The following TPRG1 variants were observed in gnomAD, a reference collection of about 807,000 sequenced individuals.
The protein encoded by TPRG1 is tumor protein p63 regulated 1.
In TPRG1, 29 loss-of-function variants were observed where a neutral mutation model predicts 29.3. The ratio of observed to expected loss-of-function variants is 0.99; its 90% CI spans 0.74 to 1.35. TPRG1 has a LOEUF of 1.35. TPRG1 is among the 40% of genes most tolerant of loss of function. The pLI, the probability that TPRG1 is intolerant of heterozygous loss-of-function variation, is 0.00. For synonymous variants in TPRG1, 130 were observed against 116.8 expected, an observed-to-expected ratio of 1.11 and a Z score of -0.73; for missense variants, 327 against 335.0, an observed-to-expected ratio of 0.98 and a Z score of 0.19.
chr3:189,324,814 A>T lies in TPRG1; in HGVS notation c.*3994A>T, dbSNP rs1030447762. 2 of 152,218 alleles carry T rather than the reference A, an allele frequency of 1.3e-5. No individual in the cohort carries two copies. The highest frequency in any genetic ancestry group is 2.9e-5 in the Non-Finnish European group (2 of 68,054). The allele number at this position is 152,218 out of a possible 1,614,324, so 9.4% of individuals were successfully genotyped here. On this transcript the variant is annotated 3_prime_UTR_variant, in exon 6 of 6. Transcript: ENST00000345063. ...TCAAAGGTTAACAACAACATAAAAAAGCCAAGGTATTTGCACAGGGATGAA... is the reference window on the plus strand; with the variant it reads ...TCAAAGGTTAACAACAACATAAAAATGCCAAGGTATTTGCACAGGGATGAA...
intron 5 of TPRG1, among the ~76,000 whole-genome samples, chr3:189,166,626 G>A (rs1728199851): frequency 6.6e-6 from 1 of 152,126 alleles, no homozygotes; most frequent in South Asian, 2.1e-4. Context: ...ACTTTCCTTG[G>A]TGTCTCAGCG....
chr3:189,068,722 G>A (rs1716622043), intron 4 of TPRG1, among the ~76,000 whole-genome samples: 1 of 152,164 alleles, frequency 6.6e-6, no homozygotes, highest in Non-Finnish European at 1.5e-5. Flanking sequence ...GTTGCGGTGA[G>A]CCGAGATTGT....
intron 1 of TPRG1, among the ~76,000 whole-genome samples, chr3:189,122,536 C>T (rs1390077144): frequency 6.6e-6 from 1 of 152,196 alleles, no homozygotes; most frequent in African/African-American, 2.4e-5. Context: ...TTTTGCGTAG[C>T]ATGGGTATTA....
chr3:189,291,528 T>C (rs1214091518), intron 4 of TPRG1, among the ~76,000 whole-genome samples: 1 of 152,180 alleles, frequency 6.6e-6, no homozygotes, highest in Non-Finnish European at 1.5e-5. Context: ...TCATCACTGT[T>C]ACTATTTATG....
chr3:189,063,063 T>C lies in TPRG1; in HGVS notation c.-463+39117T>C, dbSNP rs1052766036. Among the ~76,000 whole-genome samples the C allele has an allele frequency of 6.6e-5, 10 of 151,992 alleles. 1 individual carries two copies. Among genetic ancestry groups the C allele is most frequent in the Admixed American group, 2.0e-4 (3 of 15,248 alleles). On this transcript the variant is annotated intron_variant, in intron 4 of 10. Coordinates refer to the TPRG1 transcript ENST00000433971. ...TATGGGTGGATTGAAAATAAAGGAA[T>C]AGAAAAAATTTACCATGCAAACTTT...
chr3:189,163,379 T>C (rs1727742355), intron 5 of TPRG1, among the ~76,000 whole-genome samples: 1 of 152,226 alleles, frequency 6.6e-6, no homozygotes, highest in South Asian at 2.1e-4. Flanking sequence ...TAGTTGGTAT[T>C]TTAAATAAAA....
chr3:189,107,084 A>G (rs1171130675), intron 1 of TPRG1, among the ~76,000 whole-genome samples: 1 of 152,074 alleles, frequency 6.6e-6, no homozygotes, highest in Non-Finnish European at 1.5e-5. Context: ...TTTTAAACAG[A>G]ATTTTACTGT....
At chr3:189,302,872 AGAAGTTTC>A (rs1490982790) in intron 4 of TPRG1, among the ~76,000 whole-genome samples, 1 of 152,220 alleles carries the variant, frequency 6.6e-6, no homozygotes, top group Non-Finnish European at 1.5e-5. Flanking sequence ...CCCTGTCAAT[AGAAGTTTC>A]GAAAAAACAA....
At chr3:189,218,554 G>A (rs1232563796) in intron 3 of TPRG1, among the ~76,000 whole-genome samples, 1 of 152,314 alleles carries the variant, frequency 6.6e-6, no homozygotes, top group East Asian at 1.9e-4. Flanking sequence ...TTTGGAACAA[G>A]GATTCCCATT....
intron 3 of TPRG1, among the ~76,000 whole-genome samples, chr3:189,141,266 C>T (rs1724516442): frequency 6.6e-6 from 1 of 152,146 alleles, no homozygotes; most frequent in African/African-American, 2.4e-5. Context: ...ACAGACGGTG[C>T]ACTGTATCTC....
At chr3:189,272,850 G>A (rs1282666778) in intron 4 of TPRG1, among the ~76,000 whole-genome samples, 1 of 151,854 alleles carries the variant, frequency 6.6e-6, no homozygotes, top group Non-Finnish European at 1.5e-5. Flanking sequence ...GACAAGGATA[G>A]ACATTTATAA....
At chr3:189,177,991 C>T (rs1238526281) in intron 1 of TPRG1, among the ~76,000 whole-genome samples, 1 of 152,006 alleles carries the variant, frequency 6.6e-6, no homozygotes. Context: ...GGAGTCTTCC[C>T]AGGAGGAGAA....
intron 4 of TPRG1, among the ~76,000 whole-genome samples, chr3:189,271,836 T>A (rs781294633): frequency 6.6e-6 from 1 of 152,186 alleles, no homozygotes; most frequent in Admixed American, 6.5e-5. Flanking sequence ...CTCATTTACT[T>A]GTGTACTTGT....
At chr3:189,312,105 GTTTC>G (rs1209208448) in intron 5 of TPRG1, among the ~76,000 whole-genome samples, 36 of 70,906 alleles carry the variant, frequency 5.1e-4, no homozygotes, top group African/African-American at 1.3e-3. Context: ...TTGTTTCTTT[GTTTC>G]TTTCTTTGTT....
Position 189,103,341 on chromosome 3 carries a change from CCTTTCATCTATTA to C in TPRG1, c.-744+3140_-744+3152del, listed in dbSNP as rs759820450. ...CTTTTGCAGAAAATGTTTGCAGTCC[CCTTTCATCTATTA>C]CTGTGCATCACTATTACAAAATTCT... On this transcript the variant is annotated intron_variant, in intron 1 of 6. Coordinates refer to the TPRG1 transcript ENST00000412373. Among the ~76,000 whole-genome samples, 9 of 152,132 alleles carry C rather than the reference CCTTTCATCTATTA, an allele frequency of 5.9e-5. 1 individual carries two copies. The highest frequency in any genetic ancestry group is 1.3e-4 in the Admixed American group (2 of 15,262).
intron 5 of TPRG1, among the ~76,000 whole-genome samples, chr3:189,317,512 A>T (rs1723724101): frequency 6.6e-6 from 1 of 152,182 alleles, no homozygotes; most frequent in Non-Finnish European, 1.5e-5. Context: ...AATCTTTACA[A>T]CCACCTGATA....
At chr3:189,098,854 A>C (rs988811095), upstream of TPRG1, among the ~76,000 whole-genome samples, 7 of 152,152 alleles carry the variant, frequency 4.6e-5, no homozygotes, top group Admixed American at 2.6e-4. Context: ...ATGTAGAAAA[A>C]AATTAATGAA....
intron 4 of TPRG1, among the ~76,000 whole-genome samples, chr3:189,059,705 G>T (rs1360134855): frequency 6.6e-6 from 1 of 152,112 alleles, no homozygotes; most frequent in Admixed American, 6.5e-5. Context: ...GCATAGTGAG[G>T]TTAAGTAATT....
chr3:189,112,588 A>T (rs1410849269), intron 1 of TPRG1, among the ~76,000 whole-genome samples: 1 of 152,168 alleles, frequency 6.6e-6, no homozygotes, highest in Non-Finnish European at 1.5e-5. Flanking sequence ...TCAGCTTTCC[A>T]CATGTGGCTA....
Sources: allele counts gnomAD v4.1 joint callset (sites outside exome capture counted in the v4.1 genomes callset), GRCh38; gene constraint gnomAD v4.1.1; transcripts MANE v1.5; gene names NCBI Gene and HGNC (gene_info 2026-07-23, HGNC 2026-07-21).